The following BTRC variants were observed in gnomAD, a reference collection of about 807,000 sequenced individuals.
The protein encoded by BTRC is F-box/WD repeat-containing protein 1A.
A neutral mutation model predicts 85.5 loss-of-function variants in BTRC; 42 were observed. That is an observed-to-expected ratio of 0.49 (90% CI 0.38 to 0.64). BTRC has a LOEUF of 0.64. Among genes scored for constraint, BTRC ranks in the 30% least tolerant of loss-of-function variants. The probability of loss-of-function intolerance (pLI) is 0.00; values close to 1 mark genes in which losing one functional copy is unlikely to be tolerated. For synonymous variants in BTRC, 255 were observed against 263.3 expected, an observed-to-expected ratio of 0.97 and a Z score of 0.30; for missense variants, 594 against 743.5, an observed-to-expected ratio of 0.80 and a Z score of 2.34.
intron 8 of BTRC, among the ~76,000 whole-genome samples, 173 bp from the exon 9 acceptor site, chr10:101,532,779 T>TGC (rs1397859990): frequency 0.036 from 2,938 of 81,510 alleles, 58 homozygotes; most frequent in South Asian, 0.062. Flanking sequence ...TGTGTGTGTG[T>TGC]GTGTGTGTGT....
intron 2 of BTRC, among the ~76,000 whole-genome samples, chr10:101,434,846 G>C (rs1944487040): frequency 6.6e-6 from 1 of 151,328 alleles, no homozygotes. Context: ...TGTTGGCCAG[G>C]CTGTTCTTAA....
At chr10:101,499,142 A>T (rs1946339893) in intron 4 of BTRC, among the ~76,000 whole-genome samples, 1 of 152,096 alleles carries the variant, frequency 6.6e-6, no homozygotes, top group Non-Finnish European at 1.5e-5. Context: ...TTACAGGGGG[A>T]AAAAGTGAAG....
At chr10:101,442,288 C>CTGTATGTG (rs1944705400) in intron 2 of BTRC, among the ~76,000 whole-genome samples, 1 of 99,280 alleles carries the variant, frequency 1.0e-5, no homozygotes, top group South Asian at 3.2e-4. Flanking sequence ...CTCTCTGTCT[C>CTGTATGTG]TGTGTGTATG....
chr10:101,447,808 TTAAATTAA>T (rs1261083985), intron 2 of BTRC, among the ~76,000 whole-genome samples: 4 of 152,192 alleles, frequency 2.6e-5, no homozygotes. Context: ...ACAACGATTA[TTAAATTAA>T]AAGGCCACTT....
At chr10:101,411,000 T>C (rs1032954242) in intron 1 of BTRC, among the ~76,000 whole-genome samples, 1 of 149,720 alleles carries the variant, frequency 6.7e-6, no homozygotes, top group Non-Finnish European at 1.5e-5. Context: ...CTGGCACTTT[T>C]TTTTTTTTTT....
chr10:101,440,565 A>T (rs1022100155), intron 2 of BTRC, among the ~76,000 whole-genome samples: 9 of 152,028 alleles, frequency 5.9e-5, no homozygotes, highest in African/African-American at 2.2e-4. Flanking sequence ...TACCAAAAAT[A>T]CAAAAAATTA....
At position 101,354,628 on chromosome 10, in the gene BTRC, G is replaced by A. The variant is rs908659256; in HGVS notation, c.48+400G>A. 2.8e-5 allele frequency: 7 copies of A among 253,576 alleles called. 2 individuals are homozygous for A. In the South Asian group the frequency reaches 4.3e-4, roughly 16 times the overall value. The allele number at this position is 253,576 out of a possible 1,614,324, so 15.7% of individuals were successfully genotyped here. On this transcript the variant is annotated intron_variant, in intron 1 of 14. Coordinates refer to ENST00000370187, the MANE Select transcript of BTRC (RefSeq NM_033637.4). Reference sequence around the variant, plus strand: ...GTTACCGGTAAGGCCCGGGAGAGGAGGTGCATTCACGACTGGGGAAGGGAG... The same window carrying A: ...GTTACCGGTAAGGCCCGGGAGAGGAAGTGCATTCACGACTGGGGAAGGGAG...
rs1282756461 is a variant in BTRC, at chr10:101,429,569, CTCCTT to C, written c.49-773_49-769del. Among the ~76,000 whole-genome samples the C allele has an allele frequency of 1.7e-3, 225 of 129,270 alleles. 1 individual carries two copies. Among genetic ancestry groups the C allele is most frequent in the African/African-American group, 6.0e-3 (207 of 34,780 alleles). The allele number at this position is 129,270 out of a possible 152,430, so 84.8% of individuals were successfully genotyped here. A position where few individuals can be genotyped will look rare whatever the true frequency, so the allele number is the denominator to read the frequency against. On this transcript the variant is annotated intron_variant, in intron 1 of 14. Transcript: ENST00000370187. ...TCCTTTTTCTTCTTCTTCTCTCTCTCTCCTTTCTCTCTCTTTTCTCTCTCCTTTTT... is the reference window on the plus strand; with the variant it reads ...TCCTTTTTCTTCTTCTTCTCTCTCTCTCTCTCTCTTTTCTCTCTCCTTTTT...
At chr10:101,525,102 T>C (rs2062170899) in intron 5 of BTRC, among the ~76,000 whole-genome samples, 1 of 152,188 alleles carries the variant, frequency 6.6e-6, no homozygotes, top group Non-Finnish European at 1.5e-5. Context: ...TTTATCTCAG[T>C]TGTAAATGTA....
intron 1 of BTRC, among the ~76,000 whole-genome samples, chr10:101,370,365 C>T (rs1178895626): frequency 6.6e-6 from 1 of 152,018 alleles, no homozygotes; most frequent in East Asian, 1.9e-4. Flanking sequence ...CCTCTGGCCT[C>T]GGCCTCCCAA....
chr10:101,424,413 G>A (rs1338119759), intron 1 of BTRC, among the ~76,000 whole-genome samples: 1 of 152,112 alleles, frequency 6.6e-6, no homozygotes, highest in Non-Finnish European at 1.5e-5. Context: ...CATGATTATG[G>A]TATACTGCAT....
chr10:101,462,802 A>G (rs1945263787), intron 3 of BTRC, among the ~76,000 whole-genome samples: 1 of 152,112 alleles, frequency 6.6e-6, no homozygotes, highest in South Asian at 2.1e-4. Context: ...AAAACAAGAA[A>G]CGCAAGTTCT....
intron 1 of BTRC, among the ~76,000 whole-genome samples, chr10:101,407,805 C>T (rs1589431477): frequency 6.6e-6 from 1 of 151,958 alleles, no homozygotes; most frequent in South Asian, 2.1e-4. Flanking sequence ...TCATTGCAAC[C>T]TCCACCTCCC....
At chr10:101,444,897 C>T (rs948525441) in intron 2 of BTRC, among the ~76,000 whole-genome samples, 4 of 152,226 alleles carry the variant, frequency 2.6e-5, no homozygotes, top group Admixed American at 2.6e-4. Flanking sequence ...TAACCACCCT[C>T]CCTCATTTTG....
At chr10:101,374,871 T>G (rs375299562) in intron 1 of BTRC, among the ~76,000 whole-genome samples, 5 of 152,262 alleles carry the variant, frequency 3.3e-5, no homozygotes, top group East Asian at 1.9e-4. Flanking sequence ...GTACTCAAAT[T>G]GTTATGTGAG....
chr10:101,372,056 G>T (rs567210450), intron 1 of BTRC, among the ~76,000 whole-genome samples: 1 of 151,890 alleles, frequency 6.6e-6, no homozygotes, highest in Non-Finnish European at 1.5e-5. Context: ...TCATATTAAT[G>T]TCTATATATG....
intron 1 of BTRC, among the ~76,000 whole-genome samples, chr10:101,401,869 A>G (rs925996563): frequency 2.0e-5 from 3 of 151,658 alleles, no homozygotes; most frequent in Non-Finnish European, 2.9e-5. Context: ...AAGAAAAACA[A>G]TGTTTCTTTC....
At chr10:101,495,114 A>G (rs1175800659) in intron 4 of BTRC, among the ~76,000 whole-genome samples, 1 of 152,218 alleles carries the variant, frequency 6.6e-6, no homozygotes. Flanking sequence ...GGGTTCTCCT[A>G]ATACTGACCT....
At chr10:101,491,931 C>T (rs984014165) in intron 4 of BTRC, among the ~76,000 whole-genome samples, 5 of 151,494 alleles carry the variant, frequency 3.3e-5, no homozygotes, top group Non-Finnish European at 7.4e-5. Context: ...CAGACAAACA[C>T]CAATATTACT....
Sources: allele counts gnomAD v4.1 joint callset (sites outside exome capture counted in the v4.1 genomes callset), GRCh38; gene constraint gnomAD v4.1.1; transcripts MANE v1.5; gene names NCBI Gene and HGNC (gene_info 2026-07-23, HGNC 2026-07-21).